The following AMMECR1 variants were observed in gnomAD, a reference collection of about 807,000 sequenced individuals.
AMMECR1 encodes the protein AMMECR nuclear protein 1.
A neutral mutation model predicts 22.5 loss-of-function variants in AMMECR1; 3 were observed. The observed-to-expected ratio is 0.13, with a 90% CI of 0.06 to 0.35. The LOEUF (loss-of-function observed/expected upper bound fraction) is 0.35. Ranked by LOEUF, AMMECR1 falls within the 10% of genes least tolerant of loss-of-function variation. The pLI is 1.00. For missense variants in AMMECR1, 235 were observed against 278.7 expected (o/e 0.84, Z 1.12); for synonymous variants, 130 against 116.7 (o/e 1.11, Z -0.74).
At chrX:110,310,345 CTTT>C (rs1384953158) in intron 1 of AMMECR1, among the ~76,000 whole-genome samples, 1 of 111,373 alleles carries the variant, frequency 9.0e-6, no homozygotes, top group East Asian at 2.8e-4. Flanking sequence ...AGCCTCTCTT[CTTT>C]TACTTCTGCC....
At position 110,420,766 on chromosome X, in the gene AMMECR1, G is replaced by C. The variant is rs759203975; in HGVS notation, c.-148+5892C>G. Among the ~76,000 whole-genome samples, 6 of 111,599 alleles carry C rather than the reference G, an allele frequency of 5.4e-5. No individual in the cohort carries two copies. The Admixed American group carries it at 5.7e-4, about 11-fold the overall frequency. ...CACCACATTTTCCCAACTGGCCTCC[G>C]TCGTGAGAACAAGTGGGAACTTTCA... On this transcript the variant is annotated intron_variant, in intron 2 of 7. Transcript: ENST00000372057.
chrX:110,314,704 AAAGTT>A (rs1037041810), intron 1 of AMMECR1, among the ~76,000 whole-genome samples: 2 of 112,208 alleles, frequency 1.8e-5, no homozygotes, highest in African/African-American at 6.5e-5. Context: ...AAAATGCAGT[AAAGTT>A]AAGTTTTCCT....
At chrX:110,334,430 A>G (rs1356679829) in intron 2 of AMMECR1, among the ~76,000 whole-genome samples, 1 of 112,097 alleles carries the variant, frequency 8.9e-6, no homozygotes, top group African/African-American at 3.2e-5. Context: ...AATTGCTTTG[A>G]AAAGGCACAA....
rs1415748143 is a variant in AMMECR1, at chrX:110,372,303, G to T, written c.-148+54355C>A. Among the ~76,000 whole-genome samples, 15 of 112,579 alleles carry T rather than the reference G, an allele frequency of 1.3e-4. No homozygotes were observed. The Admixed American group carries it at 1.4e-3, about 11-fold the overall frequency. ...TCTTTCAAATTATTTGATTTTAAAA[G>T]AAATGCCTACACATTATTTTTTAAA... is the stretch of plus-strand genomic sequence containing the variant. On this transcript the variant is annotated intron_variant, in intron 2 of 7. Transcript: ENST00000372057.
At chrX:110,329,647 A>G (rs2068112843) in intron 2 of AMMECR1, among the ~76,000 whole-genome samples, 1 of 111,671 alleles carries the variant, frequency 9.0e-6, no homozygotes, top group Non-Finnish European at 1.9e-5. Context: ...AACCGTTAAT[A>G]CTTATGTGAG....
At chrX:110,304,732 A>T (rs762098656) in intron 1 of AMMECR1, among the ~76,000 whole-genome samples, 10 of 112,234 alleles carry the variant, frequency 8.9e-5, no homozygotes, top group African/African-American at 2.6e-4. Context: ...TTAAAATTTT[A>T]AAATTGTCAA....
chrX:110,339,435 G>GAAAAAA (rs2068154943), intron 2 of AMMECR1, among the ~76,000 whole-genome samples: 1 of 97,512 alleles, frequency 1.0e-5, no homozygotes, highest in Non-Finnish European at 2.1e-5. Context: ...ACAAAAAAAG[G>GAAAAAA]AGAAATTCTA....
chrX:110,219,941 C>A (rs1199100305), intron 2 of AMMECR1, among the ~76,000 whole-genome samples: 1 of 111,790 alleles, frequency 8.9e-6, no homozygotes, highest in Non-Finnish European at 1.9e-5. Context: ...TGAAAGCCTG[C>A]AAGGATTTAA....
intron 2 of AMMECR1, among the ~76,000 whole-genome samples, chrX:110,418,430 G>A (rs2068693645): frequency 8.9e-6 from 1 of 112,074 alleles, no homozygotes; most frequent in South Asian, 3.8e-4. Flanking sequence ...TGGCCCCCGT[G>A]TGGTTGAGGA....
chrX:110,386,536 T>C (rs778887663), intron 2 of AMMECR1, among the ~76,000 whole-genome samples: 4 of 111,401 alleles, frequency 3.6e-5, no homozygotes, highest in Non-Finnish European at 5.7e-5. Context: ...AATTGGGTTG[T>C]CATTTTATTA....
At chrX:110,218,177 G>T (rs1051921909) in intron 2 of AMMECR1, among the ~76,000 whole-genome samples, 3 of 110,963 alleles carry the variant, frequency 2.7e-5, no homozygotes, top group African/African-American at 9.8e-5. Context: ...ACGTGTGTGT[G>T]TAACCACCCG....
intron 2 of AMMECR1, among the ~76,000 whole-genome samples, chrX:110,425,619 T>G (rs925126372): frequency 1.8e-5 from 2 of 112,911 alleles, no homozygotes; most frequent in Non-Finnish European, 3.7e-5. Context: ...AGTGAGTACT[T>G]ACTATGGGCC....
At chrX:110,302,031 A>T (rs1361434714) in intron 1 of AMMECR1, among the ~76,000 whole-genome samples, 1 of 111,936 alleles carries the variant, frequency 8.9e-6, no homozygotes, top group African/African-American at 3.3e-5. Flanking sequence ...CTTCACTGAA[A>T]ACCATAAGCA....
intron 2 of AMMECR1, among the ~76,000 whole-genome samples, chrX:110,414,961 C>CAT (rs761841113): frequency 1.4e-3 from 158 of 110,570 alleles, no homozygotes; most frequent in Middle Eastern, 4.7e-3. Context: ...AAGAAGAAAG[C>CAT]ATATATATAT....
chrX:110,315,991 G>T (rs922046168), intron 1 of AMMECR1, among the ~76,000 whole-genome samples: 67 of 112,301 alleles, frequency 6.0e-4, no homozygotes, highest in African/African-American at 1.9e-3. Context: ...TAAAAGTGTG[G>T]ACTTAGGATT....
intron 2 of AMMECR1, among the ~76,000 whole-genome samples, chrX:110,366,697 A>G (rs1219277509): frequency 9.0e-6 from 1 of 111,588 alleles, no homozygotes; most frequent in Non-Finnish European, 1.9e-5. Flanking sequence ...TGAATAACAG[A>G]CATCCAATCG....
chrX:110,341,500 T>C (rs2068163989), intron 2 of AMMECR1, among the ~76,000 whole-genome samples: 1 of 112,326 alleles, frequency 8.9e-6, no homozygotes, highest in African/African-American at 3.2e-5. Flanking sequence ...TTTTAAATTA[T>C]GGACGATTTT....
intron 2 of AMMECR1, among the ~76,000 whole-genome samples, chrX:110,262,345 C>T (rs1446651629): frequency 9.0e-6 from 1 of 111,534 alleles, no homozygotes; most frequent in Non-Finnish European, 1.9e-5. Context: ...TATACACACG[C>T]ACACACACAC....
chrX:110,359,401 C>G (rs2068248271), intron 2 of AMMECR1, among the ~76,000 whole-genome samples: 1 of 111,387 alleles, frequency 9.0e-6, no homozygotes, highest in South Asian at 3.8e-4. Context: ...ACGACATGCT[C>G]TTTTCATCTG....
Sources: gnomAD v4.1 joint callset for allele counts (sites outside exome capture counted in the v4.1 genomes callset) on GRCh38, gnomAD v4.1.1 for gene constraint, MANE v1.5 for transcripts, NCBI Gene and HGNC (gene_info 2026-07-23, HGNC 2026-07-21) for gene names.